The following EEA1 variants were observed in gnomAD, a reference collection of about 807,000 sequenced individuals.
EEA1 encodes early endosome antigen 1, 162kD.
EEA1 carries 111 observed loss-of-function variants against 209.2 expected under a neutral mutation model. The ratio of observed to expected loss-of-function variants is 0.53; its 90% CI spans 0.45 to 0.62. EEA1 has a LOEUF of 0.62. Among genes scored for constraint, EEA1 ranks in the 20% least tolerant of loss-of-function variants. The pLI is 0.00. For synonymous variants in EEA1, 536 were observed against 540.6 expected, an observed-to-expected ratio of 0.99 and a Z score of 0.12; for missense variants, 1,343 against 1,530.8, an observed-to-expected ratio of 0.88 and a Z score of 2.05.
At chr12:92,826,375 A>G (rs545853113) in intron 12 of EEA1, 90 bp from the exon 13 acceptor site, 1 of 1,206,746 alleles carries the variant, frequency 8.3e-7, no homozygotes, top group South Asian at 1.4e-5. Context: ...CTCAAGTCTG[A>G]ACAGAACAAA....
chr12:92,870,185 C>A (rs1878577864), intron 2 of EEA1, among the ~76,000 whole-genome samples: 1 of 152,154 alleles, frequency 6.6e-6, no homozygotes, highest in African/African-American at 2.4e-5. Context: ...ATAAAAGGTA[C>A]TCCATTAATG....
chr12:92,924,617 G>C (rs1881138005), intron 1 of EEA1, among the ~76,000 whole-genome samples: 1 of 151,978 alleles, frequency 6.6e-6, no homozygotes. Flanking sequence ...AAACTACACA[G>C]ATAGTAAATG....
chr12:92,819,598 T>C, intron 13 of EEA1, 87 bp from the exon 14 acceptor site: 2 of 936,748 alleles, frequency 2.1e-6, no homozygotes. Context: ...ATAAATTCTA[T>C]CACTCAAATA....
At chr12:92,812,502 TTCC>T (rs1282891968) in intron 16 of EEA1, among the ~76,000 whole-genome samples, 2 of 152,150 alleles carry the variant, frequency 1.3e-5, no homozygotes, top group African/African-American at 4.8e-5. Flanking sequence ...AGCTCCTCAC[TTCC>T]TCCTATTACC....
chr12:92,882,294 A>G (rs779371318), intron 2 of EEA1, among the ~76,000 whole-genome samples: 5 of 151,762 alleles, frequency 3.3e-5, no homozygotes, highest in Non-Finnish European at 5.9e-5. Context: ...TTTTAGTAGA[A>G]ACATGGTTTC....
At chr12:92,830,869 A>C (rs1036150160) in intron 11 of EEA1, among the ~76,000 whole-genome samples, 3 of 152,168 alleles carry the variant, frequency 2.0e-5, no homozygotes, top group Non-Finnish European at 4.4e-5. Context: ...CTATATAAAG[A>C]ATCAATTTGT....
In EEA1 at chr12:92,828,046, G is replaced by T; in HGVS notation, c.1270C>A (p.Leu424Met). The T allele has an allele frequency of 6.4e-7, 1 of 1,567,176 alleles. No homozygotes were observed. The highest frequency in any genetic ancestry group is 8.6e-7 in the Non-Finnish European group (1 of 1,162,126). Reference sequence around the variant, plus strand: ...TCCCCTAGTTGGCGCTCTGTCTCCAGAAGTTTGCTATGTAACTTTAAAAAA... The same window carrying T: ...TCCCCTAGTTGGCGCTCTGTCTCCATAAGTTTGCTATGTAACTTTAAAAAA... Reference protein sequence around the residue: ...SEINQLHSKLLETERQLGEAH... With the variant: ...SEINQLHSKLMETERQLGEAH... Residue 424 changes from leucine (L) to methionine (M), a missense_variant, in exon 12 of 29, where the codon CTG (leucine) becomes ATG (methionine). Physicochemically the swap from Leu to Met is conservative, Grantham distance 15 (BLOSUM62 2). Coordinates refer to ENST00000322349, the MANE Select transcript of EEA1 (RefSeq NM_003566.4).
intron 10 of EEA1, among the ~76,000 whole-genome samples, chr12:92,835,879 A>T (rs1245960175): frequency 2.0e-5 from 3 of 152,248 alleles, no homozygotes; most frequent in Non-Finnish European, 4.4e-5. Context: ...TTTTTAAAAG[A>T]ATCTAATCCA....
rs574150522 is a variant in EEA1, at chr12:92,889,313, GA to G, written c.117+2315del. On this transcript the variant is annotated intron_variant, in intron 2 of 28. Transcript: ENST00000322349. ...GGAGAATGAACAGCTAGAGAGGTAA[GA>G]AAAAAACCAGAAGTGTGTGGTATTA... 3.9e-5 allele frequency among the ~76,000 whole-genome samples: 6 copies of G among 151,910 alleles called. No individual in the cohort carries two copies. The East Asian group carries it at 1.2e-3, about 29-fold the overall frequency.
intron 17 of EEA1, 68 bp downstream of exon 17, chr12:92,811,211 G>A (rs771437217): frequency 9.4e-5 from 102 of 1,083,324 alleles, no homozygotes; most frequent in Non-Finnish European, 1.2e-4. Context: ...TTGATTCCAT[G>A]TAGGTCATGA....
chr12:92,800,064 A>C (rs1438706080), intron 20 of EEA1, among the ~76,000 whole-genome samples: 1 of 151,910 alleles, frequency 6.6e-6, no homozygotes, highest in Non-Finnish European at 1.5e-5. Context: ...TCTACTAAAA[A>C]TACAAAAATT....
intron 21 of EEA1, among the ~76,000 whole-genome samples, chr12:92,794,966 A>G (rs965484690): frequency 1.3e-5 from 2 of 152,110 alleles, no homozygotes; most frequent in African/African-American, 4.8e-5. Flanking sequence ...TCCTCTTCCT[A>G]TTACCTCTCA....
chr12:92,909,102 G>T (rs1017047225), intron 1 of EEA1, among the ~76,000 whole-genome samples: 1 of 152,104 alleles, frequency 6.6e-6, no homozygotes, highest in Admixed American at 6.6e-5. Context: ...GAGCCACCGC[G>T]CCCAGCCCTG....
At chr12:92,849,788 G>C (rs1565834246) in intron 9 of EEA1, among the ~76,000 whole-genome samples, 1 of 152,156 alleles carries the variant, frequency 6.6e-6, no homozygotes, top group Non-Finnish European at 1.5e-5. Context: ...TTTGTGAATA[G>C]AGTGGCTTTT....
chr12:92,838,253 T>C (rs1445731060), intron 10 of EEA1, among the ~76,000 whole-genome samples: 1 of 152,168 alleles, frequency 6.6e-6, no homozygotes, highest in African/African-American at 2.4e-5. Context: ...ACACACAAAA[T>C]GTGTGCTAGA....
chr12:92,827,929 A>G lies in EEA1; in HGVS notation c.1387T>C (p.Ser463Pro). 6.4e-7 allele frequency: 1 copy of G among 1,568,158 alleles called. No individual in the cohort carries two copies. The highest frequency in any genetic ancestry group is 8.6e-7 in the Non-Finnish European group (1 of 1,160,956). Residue 463 changes from serine (S) to proline (P), a missense_variant, in exon 12 of 29, where the codon TCT (serine) becomes CCT (proline). By Grantham distance (74) the Ser-to-Pro change is moderately conservative. Transcript: ENST00000322349. ...TAGCTTACCTGCTCTTCTAACCGAG[A>G]AAGTTTGAGTTGTAAATCAGCCACT... ...QQVADLQLKL[S>P]RLEEQLKEKV...
intron 11 of EEA1, among the ~76,000 whole-genome samples, chr12:92,830,864 T>A (rs1289743145): frequency 1.3e-5 from 2 of 152,156 alleles, no homozygotes; most frequent in East Asian, 3.9e-4. Context: ...GATGCCTATA[T>A]AAAGAATCAA....
At chr12:92,877,678 G>A (rs1472132645) in intron 2 of EEA1, among the ~76,000 whole-genome samples, 1 of 151,896 alleles carries the variant, frequency 6.6e-6, no homozygotes, top group African/African-American at 2.4e-5. Flanking sequence ...ACAGGTGCGT[G>A]CCACCACACC....
At position 92,781,971 on chromosome 12, in the gene EEA1, T is replaced by C. The variant is rs949847110; in HGVS notation, c.3315A>G (p.Leu1105=). Residue 1105 remains leucine (L), a synonymous_variant, in exon 23 of 29, where the codon CTA becomes CTG. Coordinates refer to ENST00000322349, the MANE Select transcript of EEA1 (RefSeq NM_003566.4). ...EQQLQERCKA[L]QDIQKEKSLK... Reference sequence around the variant, plus strand: ...ATACCTTTTCTTTCTGAATGTCTTGTAGTGCTTTACATCGCTCCTGCAATT... The same window carrying C: ...ATACCTTTTCTTTCTGAATGTCTTGCAGTGCTTTACATCGCTCCTGCAATT... The C allele has an allele frequency of 1.9e-6, 3 of 1,612,228 alleles. No homozygotes were observed. The highest frequency in any genetic ancestry group is 2.7e-5 in the African/African-American group (2 of 74,874).
Sources: allele counts gnomAD v4.1 joint callset (sites outside exome capture counted in the v4.1 genomes callset), GRCh38; gene constraint gnomAD v4.1.1; transcripts MANE v1.5; gene names NCBI Gene and HGNC (gene_info 2026-07-23, HGNC 2026-07-21).